The following VEPH1 variants were observed in gnomAD, a reference collection of about 807,000 sequenced individuals.
The protein encoded by VEPH1 is ventricular zone-expressed PH domain-containing protein homolog 1.
A neutral mutation model predicts 85.2 loss-of-function variants in VEPH1; 80 were observed. The observed-to-expected ratio is 0.94, with a 90% CI of 0.78 to 1.13. VEPH1 has a LOEUF of 1.13. Among genes scored for constraint, VEPH1 ranks in the 50% most tolerant of loss-of-function variants. VEPH1 has a pLI of 0.00. For synonymous variants in VEPH1, 297 were observed against 348.0 expected (o/e 0.85, Z 1.63); for missense variants, 955 against 980.5 (o/e 0.97, Z 0.35).
chr3:157,414,144 T>A, intron 5 of VEPH1, 54 bp from the exon 6 acceptor site: 1 of 1,396,380 alleles, frequency 7.2e-7, no homozygotes, highest in Non-Finnish European at 9.9e-7. Flanking sequence ...AGAGAAAAGT[T>A]AATTAAATTG....
intron 9 of VEPH1, among the ~76,000 whole-genome samples, chr3:157,326,703 G>C (rs1325023278): frequency 1.3e-5 from 2 of 152,210 alleles, no homozygotes; most frequent in Non-Finnish European, 2.9e-5. Context: ...AAAGCCATCA[G>C]AAGTGGGTCC....
chr3:157,301,710 T>C (rs1718833589), intron 11 of VEPH1, among the ~76,000 whole-genome samples: 1 of 152,186 alleles, frequency 6.6e-6, no homozygotes, highest in Non-Finnish European at 1.5e-5. Flanking sequence ...CTTGGACACT[T>C]TCTTGATATC....
chr3:157,386,250 C>CAAAAA (rs71302265), intron 6 of VEPH1, among the ~76,000 whole-genome samples: 2,276 of 38,054 alleles, frequency 0.06, 171 homozygotes, highest in African/African-American at 0.1. Context: ...AATGGTTCCA[C>CAAAAA]AAAAAAAAAA....
At chr3:157,374,814 G>A (rs569471161) in intron 7 of VEPH1, among the ~76,000 whole-genome samples, 2 of 152,192 alleles carry the variant, frequency 1.3e-5, no homozygotes, top group Non-Finnish European at 2.9e-5. Flanking sequence ...GATGGTAAAG[G>A]TTAGTGGGGT....
At chr3:157,357,928 G>A (rs1247727563) in intron 9 of VEPH1, among the ~76,000 whole-genome samples, 1 of 152,152 alleles carries the variant, frequency 6.6e-6, no homozygotes, top group Non-Finnish European at 1.5e-5. Context: ...TTGGAAGTTT[G>A]CAACATGTTA....
intron 2 of VEPH1, among the ~76,000 whole-genome samples, chr3:157,487,883 C>A (rs1738797193): frequency 6.6e-6 from 1 of 151,948 alleles, no homozygotes; most frequent in Non-Finnish European, 1.5e-5. Context: ...AAATGGGAAC[C>A]TCCTTAATCT....
chr3:157,400,432 T>C lies in VEPH1; in HGVS notation c.906+13449A>G, dbSNP rs184400256. On this transcript the variant is annotated intron_variant, in intron 6 of 13. Transcript: ENST00000362010. ...TATGGCTAAAGTTAAGTGTGGAACT[T>C]AGTATATCTTTCCCAAAAAGATGTT... 3.4e-3 allele frequency among the ~76,000 whole-genome samples: 521 copies of C among 152,254 alleles called. 3 individuals are homozygous for C. Among genetic ancestry groups the C allele is most frequent in the African/African-American group, 0.012 (481 of 41,576 alleles).
chr3:157,335,143 G>T (rs950918833), intron 9 of VEPH1, among the ~76,000 whole-genome samples: 2 of 152,058 alleles, frequency 1.3e-5, no homozygotes, highest in Non-Finnish European at 2.9e-5. Flanking sequence ...AAAGCCCAAA[G>T]TGTGTTGGCA....
At chr3:157,406,446 C>T (rs559554521) in intron 6 of VEPH1, among the ~76,000 whole-genome samples, 1 of 152,234 alleles carries the variant, frequency 6.6e-6, no homozygotes, top group South Asian at 2.1e-4. Flanking sequence ...TCCTTTTCCT[C>T]CTGAAAGTGT....
chr3:157,338,548 G>A (rs1723195012), intron 9 of VEPH1, among the ~76,000 whole-genome samples: 1 of 152,084 alleles, frequency 6.6e-6, no homozygotes, highest in Non-Finnish European at 1.5e-5. Flanking sequence ...TTTCTTCAAT[G>A]TATCAAATGT....
At chr3:157,278,538 A>C (rs975118977) in intron 12 of VEPH1, among the ~76,000 whole-genome samples, 2 of 152,196 alleles carry the variant, frequency 1.3e-5, no homozygotes, top group African/African-American at 4.8e-5. Context: ...GATTTCATGC[A>C]AGGGGTGGCA....
At chr3:157,265,850 T>A (rs1226627991) in intron 12 of VEPH1, among the ~76,000 whole-genome samples, 188 bp from the exon 13 acceptor site, 1 of 151,994 alleles carries the variant, frequency 6.6e-6, no homozygotes, top group Non-Finnish European at 1.5e-5. Flanking sequence ...GATATGACAA[T>A]GGAAAACTGT....
intron 2 of VEPH1, among the ~76,000 whole-genome samples, chr3:157,494,340 A>G: frequency 6.6e-6 from 1 of 152,148 alleles, no homozygotes; most frequent in East Asian, 1.9e-4. Flanking sequence ...TGTCTGTGCC[A>G]AGTGTTGGCT....
chr3:157,324,251 T>A (rs1478664154), intron 9 of VEPH1, among the ~76,000 whole-genome samples: 5 of 151,952 alleles, frequency 3.3e-5, no homozygotes, highest in Admixed American at 6.6e-5. Context: ...AGAGATGGGG[T>A]TTCACCATGT....
chr3:157,414,460 T>C (rs1577598180), intron 5 of VEPH1, among the ~76,000 whole-genome samples: 1 of 152,142 alleles, frequency 6.6e-6, no homozygotes, highest in Non-Finnish European at 1.5e-5. Flanking sequence ...TTTAAGTAGG[T>C]AGGAGATCTT....
At chr3:157,360,267 C>T (rs1055989267) in intron 9 of VEPH1, among the ~76,000 whole-genome samples, 3 of 152,076 alleles carry the variant, frequency 2.0e-5, no homozygotes, top group Non-Finnish European at 4.4e-5. Context: ...GGATGTATTA[C>T]CAGTGAATCA....
Position 157,369,179 on chromosome 3 carries a change from T to TA in VEPH1, c.1128-4668_1128-4667insT, listed in dbSNP as rs1560000948. 1.5e-3 allele frequency among the ~76,000 whole-genome samples: 23 copies of TA among 15,058 alleles called. 1 individual carries two copies. The highest frequency in any genetic ancestry group is 5.4e-3 in the African/African-American group (21 of 3,876). The allele number at this position is 15,058 out of a possible 152,430, so 9.9% of individuals were successfully genotyped here. ...AACAACAACAACAACAAAAACCAAA[T>TA]GAAAAAAAAAAAAAAAAAAAAAAAA... On this transcript the variant is annotated intron_variant, in intron 7 of 13. Coordinates refer to ENST00000362010, the MANE Select transcript of VEPH1 (RefSeq NM_001167912.2).
chr3:157,304,021 T>TATATATATATATATATA (rs1559939923), intron 11 of VEPH1, among the ~76,000 whole-genome samples: 1 of 83,998 alleles, frequency 1.2e-5, no homozygotes, highest in Non-Finnish European at 2.4e-5. Flanking sequence ...ATCTTATATT[T>TATATATATATATATATA]TTTATATATA....
chr3:157,327,263 T>A (rs1722011929), intron 9 of VEPH1, among the ~76,000 whole-genome samples: 2 of 152,148 alleles, frequency 1.3e-5, no homozygotes, highest in Non-Finnish European at 1.5e-5. Context: ...AGATGCCACC[T>A]TAGGGAGATA....
Sources: allele counts gnomAD v4.1 joint callset (sites outside exome capture counted in the v4.1 genomes callset), GRCh38; gene constraint gnomAD v4.1.1; transcripts MANE v1.5; gene names NCBI Gene and HGNC (gene_info 2026-07-23, HGNC 2026-07-21).